The following MMP21 variants were observed in gnomAD, a reference collection of about 807,000 sequenced individuals.
MMP21 encodes matrix metalloproteinase-21.
Under a neutral mutation model 47.8 loss-of-function variants are expected in MMP21, and 40 were observed. The ratio of observed to expected loss-of-function variants is 0.84; its 90% CI spans 0.65 to 1.09. The LOEUF (loss-of-function observed/expected upper bound fraction) is 1.09. Ranked by LOEUF, MMP21 falls within the 50% of genes least tolerant of loss-of-function variation. The probability of loss-of-function intolerance (pLI) is 0.00; values close to 1 mark genes in which losing one functional copy is unlikely to be tolerated. For missense variants in MMP21, 747 were observed against 775.3 expected, an observed-to-expected ratio of 0.96 and a Z score of 0.43; for synonymous variants, 341 against 318.0, an observed-to-expected ratio of 1.07 and a Z score of -0.77.
chr10:125,769,162 C>T (rs1169540485), intron 5 of MMP21, among the ~76,000 whole-genome samples: 2 of 152,186 alleles, frequency 1.3e-5, no homozygotes, highest in Non-Finnish European at 2.9e-5. Context: ...TTTGCAAAGG[C>T]AGCGTGCCTC....
Position 125,774,237 on chromosome 10 carries a change from C to A in MMP21, c.291G>T (p.Ala97=), listed in dbSNP as rs28381283. The change falls in exon 2 of 7, where the codon GCG becomes GCT. Residue 97 remains alanine, a synonymous_variant. Coordinates refer to ENST00000368808, the MANE Select transcript of MMP21 (RefSeq NM_147191.1). ...EAVRRFQRAN[A]LPASGELDAA... ...CGTCCAGCTCCCCGCTGGCCGGCAGCGCGTTCGCCCGCTGGAACCTGCGCA... is the reference window on the plus strand; with the variant it reads ...CGTCCAGCTCCCCGCTGGCCGGCAGAGCGTTCGCCCGCTGGAACCTGCGCA... The A allele has an allele frequency of 3.6e-6, 5 of 1,401,036 alleles. No homozygotes were observed. Among genetic ancestry groups the A allele is most frequent in the Non-Finnish European group, 3.7e-6 (4 of 1,080,864 alleles). 86.8% of individuals were successfully genotyped at this position (1,401,036 alleles called of 1,614,324 possible).
At chr10:125,775,577 CTGTGCCTGTGCGCGCGTGCGCA>C (rs1162482527) in intron 1 of MMP21, 61 bp downstream of exon 1, 24 of 1,471,868 alleles carry the variant, frequency 1.6e-5, no homozygotes, top group Admixed American at 9.3e-5. Flanking sequence ...GCATCCTGGC[CTGTGCCTGTGCGCGCGTGCGCA>C]TGTGCCTGTG....
In MMP21 at chr10:125,770,408, C is replaced by G; in HGVS notation, c.1163G>C (p.Gly388Ala). The part of the protein sequence containing the change: ...DPIQILTGWP[G>A]IPTHNIDAFV... The stretch of plus-strand genomic sequence containing the variant: ...GGCATCTATGTTGTGTGTTGGGATT[C>G]CAGGCCAGCCAGTGAGGATTTGGAT... The change falls in exon 5 of 7, where the codon GGA becomes GCA. Residue 388 changes from glycine (G) to alanine (A), a missense_variant. Coordinates refer to ENST00000368808, the MANE Select transcript of MMP21 (RefSeq NM_147191.1). 1 of 1,614,186 alleles carries G rather than the reference C, an allele frequency of 6.2e-7. No individual in the cohort carries two copies. The highest frequency in any genetic ancestry group is 8.5e-7 in the Non-Finnish European group (1 of 1,180,030).
At chr10:125,771,055 T>C (rs979413450) in intron 4 of MMP21, among the ~76,000 whole-genome samples, 3 of 151,332 alleles carry the variant, frequency 2.0e-5, no homozygotes, top group Non-Finnish European at 4.4e-5. Flanking sequence ...CAGATTGAGG[T>C]GGTGCGCAGA....
At chr10:125,769,573 G>A (rs1371939096) in intron 5 of MMP21, among the ~76,000 whole-genome samples, 4 of 152,046 alleles carry the variant, frequency 2.6e-5, no homozygotes, top group Non-Finnish European at 4.4e-5. Flanking sequence ...TCCATTCTGG[G>A]TGCCTTTTTC....
At position 125,772,504 on chromosome 10, in the gene MMP21, C is replaced by T; in HGVS notation, c.837+107G>A. 2 of 1,579,898 alleles carry T rather than the reference C, an allele frequency of 1.3e-6. No individual in the cohort carries two copies. Among genetic ancestry groups the T allele is most frequent in the Non-Finnish European group, 1.7e-6 (2 of 1,154,252 alleles). Reference sequence around the variant, plus strand: ...ACTGGGGAGCCATTCCACGGATTCACCTCCTCAGAGGTTGCGGACACTACA... The same window carrying T: ...ACTGGGGAGCCATTCCACGGATTCATCTCCTCAGAGGTTGCGGACACTACA... On this transcript the variant is annotated intron_variant, in intron 3 of 6. Coordinates refer to ENST00000368808, the MANE Select transcript of MMP21 (RefSeq NM_147191.1). The surrounding 1 kb of genome is among the most constrained non-coding windows in gnomAD (Gnocchi z 5.6).
rs766569238 is a variant in MMP21 at position 125,772,668 on chromosome 10, A to G, written c.780T>C (p.Phe260=). The change falls in exon 3 of 7, where the codon TTT becomes TTC. Residue 260 remains phenylalanine, a synonymous_variant. Coordinates refer to ENST00000368808, the MANE Select transcript of MMP21 (RefSeq NM_147191.1). This position sits in a 1 kb window ranked among gnomAD's most constrained non-coding sequence, Gnocchi z 5.6. ...AHAWRLGDIH[F]DDDEHFTPPT... is the part of the protein sequence containing the mutation. ...GAGGTGTGAAGTGCTCGTCGTCGTC[A>G]AAGTGAATGTCACCTAGGCGCCAGG... 5.6e-6 allele frequency: 9 copies of G among 1,614,232 alleles called. No homozygotes were observed. Among genetic ancestry groups the G allele is most frequent in the Non-Finnish European group, 6.8e-6 (8 of 1,180,044 alleles).
In MMP21 at chr10:125,774,297, C is replaced by T. The variant is rs1261478913; in HGVS notation, c.231G>A (p.Pro77=). The T allele has an allele frequency of 4.9e-6, 7 of 1,418,758 alleles. No individual in the cohort carries two copies. The highest frequency in any genetic ancestry group is 4.5e-5 in the African/African-American group (3 of 66,160). 87.9% of individuals were successfully genotyped at this position (1,418,758 alleles called of 1,614,324 possible). A position where few individuals can be genotyped will look rare whatever the true frequency, so the allele number is the denominator to read the frequency against. Residue 77 remains proline, a synonymous_variant, in exon 2 of 7, where the codon CCG becomes CCA. Transcript: ENST00000368808. The stretch of plus-strand genomic sequence containing the variant: ...CCAGGGCGGCGCCCTTGGGGGTCTC[C>T]GGCGGCCCCTCGGGACTGGGCCCCC... ...AAWGPSPEGP[P]ETPKGAALAE... is the part of the protein sequence containing the mutation.
chr10:125,770,972 G>A (rs1554879295), intron 4 of MMP21, among the ~76,000 whole-genome samples: 1 of 152,118 alleles, frequency 6.6e-6, no homozygotes, highest in Non-Finnish European at 1.5e-5. Context: ...TGAGGCTGCA[G>A]TGAGCTGAGA....
chr10:125,774,132 C>T lies in MMP21; in HGVS notation c.396G>A (p.Ser132=). Residue 132 remains serine (S), a synonymous_variant, in exon 2 of 7, where the codon TCG becomes TCA. Coordinates refer to ENST00000368808, the MANE Select transcript of MMP21 (RefSeq NM_147191.1). The part of the protein sequence containing the change: ...MRPPPPSAPP[S]PPGPPPRARS... ...GGGCTCTGGGGGGCGGGCCCGGGGG[C>T]GAAGGCGGGGCGGAGGGGGGCGGTG... 1 of 1,291,714 alleles carries T rather than the reference C, an allele frequency of 7.7e-7. No homozygotes were observed. The highest frequency in any genetic ancestry group is 9.8e-7 in the Non-Finnish European group (1 of 1,024,228). 80.0% of individuals were successfully genotyped at this position (1,291,714 alleles called of 1,614,324 possible). A position where few individuals can be genotyped will look rare whatever the true frequency, so the allele number is the denominator to read the frequency against.
intron 1 of MMP21, among the ~76,000 whole-genome samples, chr10:125,775,413 T>C (rs998934861): frequency 6.6e-6 from 1 of 152,236 alleles, no homozygotes; most frequent in African/African-American, 2.4e-5. Context: ...GAGTCTGTTG[T>C]CTGCGCACTG....
intron 4 of MMP21, among the ~76,000 whole-genome samples, chr10:125,770,999 C>T (rs965829708): frequency 1.3e-5 from 2 of 151,962 alleles, no homozygotes; most frequent in African/African-American, 4.8e-5. Flanking sequence ...CACTACACTC[C>T]AGCTTGGGCG....
chr10:125,770,319 A>G lies in MMP21; in HGVS notation c.1237+15T>C, dbSNP rs1210025773. ...TTTAATGAGAGAAATAGAACCATCCATGAAGAATCTGTACCTTGAAAAAAA... is the reference window on the plus strand; with the variant it reads ...TTTAATGAGAGAAATAGAACCATCCGTGAAGAATCTGTACCTTGAAAAAAA... On this transcript the variant is annotated intron_variant, in intron 5 of 6. Transcript: ENST00000368808. The G allele has an allele frequency of 6.2e-7, 1 of 1,613,570 alleles. No homozygotes were observed. The highest frequency in any genetic ancestry group is 8.5e-7 in the Non-Finnish European group (1 of 1,179,658).
chr10:125,770,671 G>A, intron 4 of MMP21, 80 bp from the exon 5 acceptor site: 2 of 1,502,322 alleles, frequency 1.3e-6, no homozygotes, highest in Non-Finnish European at 1.8e-6. Context: ...CTTGAATGAA[G>A]ACAGTTGCAA....
At chr10:125,768,972 A>G (rs1357400451) in intron 5 of MMP21, among the ~76,000 whole-genome samples, 2 of 152,230 alleles carry the variant, frequency 1.3e-5, no homozygotes, top group South Asian at 2.1e-4. Flanking sequence ...AAATTTGCAT[A>G]TAAAGTTCAT....
In MMP21 at chr10:125,773,792, G is replaced by T; in HGVS notation, c.697+39C>A. The T allele has an allele frequency of 1.4e-6, 2 of 1,464,102 alleles. No homozygotes were observed. The highest frequency in any genetic ancestry group is 5.3e-5 in the East Asian group (2 of 37,440). The allele number at this position is 1,464,102 out of a possible 1,614,324, so 90.7% of individuals were successfully genotyped here. A position where few individuals can be genotyped will look rare whatever the true frequency, so the allele number is the denominator to read the frequency against. The stretch of plus-strand genomic sequence containing the variant: ...GGTAGGTGCGCCGGGGTCCCCGAGG[G>T]GCTGGGTCGGGCAGGCAGGGAGCCC... On this transcript the variant is annotated intron_variant, in intron 2 of 6. Coordinates refer to ENST00000368808, the MANE Select transcript of MMP21 (RefSeq NM_147191.1). The surrounding 1 kb of genome is among the most constrained non-coding windows in gnomAD (Gnocchi z 4.8).
In MMP21 at chr10:125,770,371, G is replaced by T; in HGVS notation, c.1200C>A (p.Ile400=). The change falls in exon 5 of 7, where the codon ATC becomes ATA. Residue 400 remains isoleucine (I), a synonymous_variant. Transcript: ENST00000368808. ...PTHNIDAFVH[I]WTWKRDERYF... ...AACGTTCATCTCTTTTCCATGTCCAGATGTGAACAAAGGCATCTATGTTGT... is the reference window on the plus strand; with the variant it reads ...AACGTTCATCTCTTTTCCATGTCCATATGTGAACAAAGGCATCTATGTTGT... 6.2e-7 allele frequency: 1 copy of T among 1,614,150 alleles called. No homozygotes were observed. Among genetic ancestry groups the T allele is most frequent in the Non-Finnish European group, 8.5e-7 (1 of 1,180,000 alleles).
Position 125,770,462 on chromosome 10 carries a change from C to T in MMP21, c.1109G>A (p.Arg370Gln), listed in dbSNP as rs1251452399. 22 of 1,614,146 alleles carry T rather than the reference C, an allele frequency of 1.4e-5. No homozygotes were observed. The highest frequency in any genetic ancestry group is 2.2e-5 in the East Asian group (1 of 44,888). Reference protein sequence around the residue: ...RNSWYWLYENRNNRTRYGDPI... With the variant: ...RNSWYWLYENQNNRTRYGDPI... ...GTCCCCATAGCGTGTCCTATTGTTTCGATTTTCATAAAGCCAGTACCAGCT... is the reference window on the plus strand; with the variant it reads ...GTCCCCATAGCGTGTCCTATTGTTTTGATTTTCATAAAGCCAGTACCAGCT... The change falls in exon 5 of 7, where the codon CGA (arginine) becomes CAA (glutamine). Residue 370 changes from arginine to glutamine, a missense_variant. Coordinates refer to ENST00000368808, the MANE Select transcript of MMP21 (RefSeq NM_147191.1).
chr10:125,771,505 G>A (rs1190737170), intron 4 of MMP21, among the ~76,000 whole-genome samples: 2 of 151,900 alleles, frequency 1.3e-5, no homozygotes, highest in Non-Finnish European at 2.9e-5. Context: ...ATGGGTTCAA[G>A]CAATTCTCCT....
Sources: allele counts gnomAD v4.1 joint callset (sites outside exome capture counted in the v4.1 genomes callset), GRCh38; gene constraint gnomAD v4.1.1; non-coding constraint Gnocchi (gnomAD v3.1); transcripts MANE v1.5; gene names NCBI Gene and HGNC (gene_info 2026-07-23, HGNC 2026-07-21).